The following SRP19 variants were observed in gnomAD, a reference collection of about 807,000 sequenced individuals.
The protein encoded by SRP19 is signal recognition particle 19.
In SRP19, 11 loss-of-function variants were observed where a neutral mutation model predicts 22.4. That is an observed-to-expected ratio of 0.49 (90% CI 0.31 to 0.81). The LOEUF is 0.81. Ranked by LOEUF, SRP19 falls within the 40% of genes least tolerant of loss-of-function variation. SRP19 has a pLI of 0.05. For missense variants in SRP19, 168 were observed against 175.9 expected (o/e 0.96, Z 0.25); for synonymous variants, 61 against 57.6 (o/e 1.06, Z -0.27).
chr5:112,862,340 G>A, intron 1 of SRP19, 168 bp from the exon 2 acceptor site: 1 of 684,122 alleles, frequency 1.5e-6, no homozygotes, highest in Admixed American at 2.4e-5. Flanking sequence ...GGACCACTCC[G>A]AGGTACTTTG....
At chr5:112,893,116 A>C (rs1359708905), downstream of SRP19, 11 of 809,790 alleles carry the variant, frequency 1.4e-5, no homozygotes, top group Non-Finnish European at 2.0e-5. Context: ...AAAAAAAAAA[A>C]AGAATGGACC....
chr5:112,870,024 A>G (rs1274279682), downstream of SRP19, among the ~76,000 whole-genome samples: 1 of 152,202 alleles, frequency 6.6e-6, no homozygotes, highest in Non-Finnish European at 1.5e-5. Flanking sequence ...ATAATATACT[A>G]TAATAAAATG....
At chr5:112,881,321 C>G (rs1294576089) in intron 4 of SRP19, among the ~76,000 whole-genome samples, 1 of 152,064 alleles carries the variant, frequency 6.6e-6, no homozygotes, top group Non-Finnish European at 1.5e-5. Context: ...TGCTGGAGAA[C>G]TGTCTTGGGA....
chr5:112,896,067 A>C (rs1768670638), downstream of SRP19: 1 of 152,670 alleles, frequency 6.6e-6, no homozygotes, highest in African/African-American at 2.4e-5. Flanking sequence ...TATGCTTAAC[A>C]TGCAGTTACG....
At chr5:112,885,081 C>A in intron 4 of SRP19, 1 of 157,436 alleles carries the variant, frequency 6.4e-6, no homozygotes, top group Non-Finnish European at 1.4e-5. Context: ...CTGAATCAGG[C>A]TGGCCGTCAG....
At chr5:112,892,315 C>A (rs1235039659) in exon 5 of SRP19, 1 of 1,614,030 alleles carries the variant, frequency 6.2e-7, no homozygotes, top group Admixed American at 1.7e-5. Context: ...TGACTATGAC[C>A]CTGACGCAAG....
downstream of SRP19, chr5:112,894,620 GCA>G: frequency 6.6e-6 from 1 of 152,312 alleles, no homozygotes; most frequent in East Asian, 1.9e-4. Context: ...ATGTATTCCT[GCA>G]CACAGAGCAA....
At chr5:112,884,442 GCACAGCT>G (rs994869348) in intron 4 of SRP19, among the ~76,000 whole-genome samples, 5 of 151,078 alleles carry the variant, frequency 3.3e-5, no homozygotes, top group South Asian at 2.1e-4. Context: ...GGCTAGAGTG[GCACAGCT>G]CACTTGCAGC....
intron 4 of SRP19, among the ~76,000 whole-genome samples, chr5:112,875,071 C>T (rs940342103): frequency 6.6e-6 from 1 of 152,102 alleles, no homozygotes; most frequent in South Asian, 2.1e-4. Context: ...CCACCGTGCC[C>T]GGCCCACACC....
chr5:112,871,243 A>ATTTTTTTTTTTTT (rs10592964), downstream of SRP19, among the ~76,000 whole-genome samples: 2 of 93,934 alleles, frequency 2.1e-5, no homozygotes, highest in African/African-American at 4.8e-5. Flanking sequence ...CAATCAGTGA[A>ATTTTTTTTTTTTT]TTTTTTTTTT....
At chr5:112,873,982 AG>A (rs986920854), downstream of SRP19, among the ~76,000 whole-genome samples, 1 of 151,804 alleles carries the variant, frequency 6.6e-6, no homozygotes, top group African/African-American at 2.4e-5. Flanking sequence ...TGGGCAACAT[AG>A]GGAGACTCCC....
intron 4 of SRP19, among the ~76,000 whole-genome samples, chr5:112,865,899 T>C (rs1767588072): frequency 6.6e-6 from 1 of 152,134 alleles, no homozygotes; most frequent in South Asian, 2.1e-4. Flanking sequence ...GCCTGATTTT[T>C]TTAAAATAGA....
At chr5:112,892,488 A>C (rs780068872) in exon 5 of SRP19, 4 of 1,614,226 alleles carry the variant, frequency 2.5e-6, no homozygotes, top group Non-Finnish European at 3.4e-6. Context: ...AGTCGGAAGA[A>C]GAATGCCAAG....
At chr5:112,877,780 G>A (rs1475296139) in intron 4 of SRP19, 2 of 152,034 alleles carry the variant, frequency 1.3e-5, no homozygotes, top group African/African-American at 4.8e-5. Context: ...AATCAGAGGT[G>A]GACAAATCTT....
chr5:112,873,076 C>A (rs1226004806), downstream of SRP19, among the ~76,000 whole-genome samples: 4 of 139,964 alleles, frequency 2.9e-5, no homozygotes, highest in Non-Finnish European at 6.1e-5. Flanking sequence ...CAGTTGTGTG[C>A]TTTGTGTGGG....
At chr5:112,879,995 G>A (rs1409510482) in intron 4 of SRP19, among the ~76,000 whole-genome samples, 1 of 151,774 alleles carries the variant, frequency 6.6e-6, no homozygotes. Context: ...TATATAAATT[G>A]TTGTTATACT....
At chr5:112,888,825 G>A (rs1768343338) in intron 4 of SRP19, among the ~76,000 whole-genome samples, 1 of 150,750 alleles carries the variant, frequency 6.6e-6, no homozygotes, top group Non-Finnish European at 1.5e-5. Context: ...GTTGGAGACT[G>A]ACATGGTTTA....
downstream of SRP19, chr5:112,894,665 AG>A (rs1768624186): frequency 6.6e-6 from 1 of 152,220 alleles, no homozygotes; most frequent in Non-Finnish European, 1.5e-5. Flanking sequence ...TTTGGAGAGC[AG>A]CAAGTGTTTT....
intron 4 of SRP19, among the ~76,000 whole-genome samples, chr5:112,889,442 A>G (rs983492178): frequency 2.7e-5 from 4 of 150,910 alleles, no homozygotes; most frequent in Non-Finnish European, 4.4e-5. Context: ...AGGCAAAATA[A>G]GTAAATAGGA....
Sources: gnomAD v4.1 joint callset for allele counts (sites outside exome capture counted in the v4.1 genomes callset) on GRCh38, gnomAD v4.1.1 for gene constraint, MANE v1.5 for transcripts, NCBI Gene and HGNC (gene_info 2026-07-23, HGNC 2026-07-21) for gene names.